The following TTC7A variants were observed in gnomAD, a reference collection of about 807,000 sequenced individuals.
The protein encoded by TTC7A is tetratricopeptide repeat domain 7A.
TTC7A carries 110 observed loss-of-function variants against 103.7 expected under a neutral mutation model. That is an observed-to-expected ratio of 1.06 (90% CI 0.91 to 1.24). The LOEUF is 1.24. Ranked by LOEUF, TTC7A falls within the 50% of genes most tolerant of loss-of-function variation. The probability of loss-of-function intolerance (pLI) is 0.00; values close to 1 mark genes in which losing one functional copy is unlikely to be tolerated. For missense variants in TTC7A, 1,340 were observed against 1,116.3 expected, an observed-to-expected ratio of 1.20 and a Z score of -2.86; for synonymous variants, 521 against 467.9, an observed-to-expected ratio of 1.11 and a Z score of -1.47.
At chr2:46,968,420 G>A (rs1026603676) in intron 3 of TTC7A, among the ~76,000 whole-genome samples, 17 of 152,168 alleles carry the variant, frequency 1.1e-4, no homozygotes, top group Non-Finnish European at 1.5e-4. Context: ...GTGCAGAAGC[G>A]CTCACGGGGC....
intron 4 of TTC7A, among the ~76,000 whole-genome samples, chr2:46,976,245 T>C (rs1673867616): frequency 1.3e-5 from 2 of 152,216 alleles, no homozygotes; most frequent in Non-Finnish European, 2.9e-5. Context: ...TCATTCCCAT[T>C]TTACAAGTAA....
At chr2:46,927,234 G>T (rs1669432713) in intron 2 of TTC7A, among the ~76,000 whole-genome samples, 1 of 151,186 alleles carries the variant, frequency 6.6e-6, no homozygotes, top group Non-Finnish European at 1.5e-5. Flanking sequence ...TACAAGATCA[G>T]GATCAAAAAG....
intron 11 of TTC7A, among the ~76,000 whole-genome samples, chr2:47,018,267 G>A (rs1398765243): frequency 1.5e-5 from 2 of 132,942 alleles, no homozygotes; most frequent in African/African-American, 5.8e-5. Context: ...GTGACAGAGT[G>A]AGAGTCCGTC....
chr2:47,070,387 T>C (rs756325593), intron 19 of TTC7A, among the ~76,000 whole-genome samples: 1 of 152,232 alleles, frequency 6.6e-6, no homozygotes, highest in Non-Finnish European at 1.5e-5. Flanking sequence ...GCATCCCTGA[T>C]CGGAGGTCCA....
chr2:46,931,689 CAAT>C (rs1558480371), intron 2 of TTC7A, among the ~76,000 whole-genome samples: 2 of 116,672 alleles, frequency 1.7e-5, no homozygotes, highest in Non-Finnish European at 3.4e-5. Flanking sequence ...CAAAAACAGA[CAAT>C]AATAAATAAA....
chr2:46,996,901 G>A (rs1426240380), intron 8 of TTC7A, among the ~76,000 whole-genome samples: 2 of 151,966 alleles, frequency 1.3e-5, no homozygotes, highest in Non-Finnish European at 2.9e-5. Context: ...ATTTCACCAC[G>A]TTCACCCTCC....
At position 46,950,619 on chromosome 2, in the gene TTC7A, G is replaced by A. The variant is rs1032492131; in HGVS notation, c.348+93G>A. 2.2e-6 allele frequency: 3 copies of A among 1,374,714 alleles called. No homozygotes were observed. The Admixed American group carries it at 7.2e-5, about 33-fold the overall frequency. 85.2% of individuals were successfully genotyped at this position (1,374,714 alleles called of 1,614,324 possible). Reference sequence around the variant, plus strand: ...CTCCCTGAGTCATTTGGTCACCTGAGCAACAAGTCTCTCTTACAAGCTGCC... The same window carrying A: ...CTCCCTGAGTCATTTGGTCACCTGAACAACAAGTCTCTCTTACAAGCTGCC... On this transcript the variant is annotated intron_variant, in intron 2 of 19. Coordinates refer to ENST00000319190, the MANE Select transcript of TTC7A (RefSeq NM_020458.4).
chr2:46,969,186 T>C (rs1175907021), intron 3 of TTC7A, among the ~76,000 whole-genome samples: 1 of 146,008 alleles, frequency 6.8e-6, no homozygotes, highest in Non-Finnish European at 1.5e-5. Context: ...ATTTGTGTTA[T>C]GTGTATATAA....
rs1679499949 is a variant in TTC7A at position 47,023,346 on chromosome 2, AGGGCT to A, written c.1511-57_1511-53del. 7.1e-6 allele frequency: 11 copies of A among 1,557,498 alleles called. No individual in the cohort carries two copies. The Admixed American group carries it at 1.8e-4, about 26-fold the overall frequency. On this transcript the variant is annotated intron_variant, in intron 12 of 19. Coordinates refer to ENST00000319190, the MANE Select transcript of TTC7A (RefSeq NM_020458.4). ...GAGCTGTGTGCTTTGAGGATGGTGC[AGGGCT>A]GGGCCGGCACCCTTCAGTGACCCCT...
intron 18 of TTC7A, among the ~76,000 whole-genome samples, chr2:47,055,124 A>G (rs1282228522): frequency 6.6e-6 from 1 of 152,002 alleles, no homozygotes; most frequent in East Asian, 1.9e-4. Context: ...CACCTGACCC[A>G]GGCTAAGAAT....
intron 5 of TTC7A, among the ~76,000 whole-genome samples, chr2:46,981,952 A>T (rs913321274): frequency 3.9e-5 from 6 of 152,162 alleles, no homozygotes; most frequent in African/African-American, 9.7e-5. Flanking sequence ...GGCCTTGGGG[A>T]GGCAGTCCTG....
At chr2:46,963,071 A>ACC (rs1001487895) in intron 3 of TTC7A, among the ~76,000 whole-genome samples, 2 of 152,082 alleles carry the variant, frequency 1.3e-5, no homozygotes, top group African/African-American at 4.8e-5. Flanking sequence ...TCAGGCACCC[A>ACC]CCCCTGGCTC....
intron 9 of TTC7A, 84 bp downstream of exon 9, chr2:47,006,143 C>T: frequency 1.3e-6 from 2 of 1,540,630 alleles, no homozygotes; most frequent in South Asian, 1.2e-5. Context: ...TGTCCCTTCT[C>T]CACCTGTCAT....
chr2:46,956,157 G>C (rs1671835961), intron 2 of TTC7A, among the ~76,000 whole-genome samples: 2 of 152,200 alleles, frequency 1.3e-5, no homozygotes, highest in Non-Finnish European at 2.9e-5. Context: ...TTCCTCTGTG[G>C]GATGGAGATT....
intron 2 of TTC7A, among the ~76,000 whole-genome samples, chr2:46,924,626 C>CT (rs1322616067): frequency 7.7e-4 from 114 of 147,576 alleles, no homozygotes; most frequent in African/African-American, 1.7e-3. Context: ...TGGATATTTT[C>CT]TTTTTTTTTT....
chr2:46,931,192 T>G (rs1669681711), intron 2 of TTC7A, among the ~76,000 whole-genome samples: 1 of 152,272 alleles, frequency 6.6e-6, no homozygotes, highest in African/African-American at 2.4e-5. Flanking sequence ...CATGGCTCAC[T>G]GCAGCTTTCA....
upstream of TTC7A, chr2:46,915,961 G>A (rs1668759484): frequency 3.0e-6 from 3 of 985,428 alleles, no homozygotes; most frequent in Non-Finnish European, 3.6e-6. Context: ...GCACTGGCGG[G>A]ACTGACGCAG....
upstream of TTC7A, among the ~76,000 whole-genome samples, chr2:46,939,026 A>AG (rs1670119877): frequency 6.6e-6 from 1 of 151,672 alleles, no homozygotes; most frequent in African/African-American, 2.4e-5. Context: ...AAAAAAAAAA[A>AG]AGTACTTTGC....
chr2:46,932,340 G>T (rs1669749121), intron 2 of TTC7A, among the ~76,000 whole-genome samples: 1 of 151,876 alleles, frequency 6.6e-6, no homozygotes, highest in East Asian at 1.9e-4. Context: ...GTAGAGATGG[G>T]GTTTCACCAT....
Sources: gnomAD v4.1 joint callset for allele counts (sites outside exome capture counted in the v4.1 genomes callset) on GRCh38, gnomAD v4.1.1 for gene constraint, MANE v1.5 for transcripts, NCBI Gene and HGNC (gene_info 2026-07-23, HGNC 2026-07-21) for gene names.